XYLB: variants seen among roughly 807,000 people sequenced by gnomAD.
The protein encoded by XYLB is xylulose kinase.
XYLB carries 62 observed loss-of-function variants against 78.7 expected under a neutral mutation model. The observed-to-expected ratio is 0.79, with a 90% CI of 0.64 to 0.97. The LOEUF is 0.97. XYLB is among the 50% of genes least tolerant of loss of function. The pLI is 0.00. For synonymous variants in XYLB, 245 were observed against 247.4 expected, an observed-to-expected ratio of 0.99 and a Z score of 0.09; for missense variants, 687 against 676.8, an observed-to-expected ratio of 1.02 and a Z score of -0.17.
chr3:38,404,909 T>C (rs1423181814), intron 18 of XYLB, among the ~76,000 whole-genome samples: 2 of 152,202 alleles, frequency 1.3e-5, no homozygotes, highest in African/African-American at 4.8e-5. Flanking sequence ...CTCCTACTTG[T>C]GTTTACTTGC....
chr3:38,410,041 T>G (rs1433260274), intron 18 of XYLB, among the ~76,000 whole-genome samples: 1 of 152,102 alleles, frequency 6.6e-6, no homozygotes, highest in Non-Finnish European at 1.5e-5. Context: ...TACTTTAAAG[T>G]TCATATGGAA....
the XYLB span, among the ~76,000 whole-genome samples, chr3:38,437,016 A>ATAG: frequency 0.036 from 5,157 of 143,058 alleles, 336 homozygotes; most frequent in African/African-American, 0.12. Flanking sequence ...AATAATAATA[A>ATAG]TAATAATAAT....
chr3:38,418,282 A>T (rs1405831887), downstream of XYLB, among the ~76,000 whole-genome samples: 3 of 152,044 alleles, frequency 2.0e-5, no homozygotes, highest in Admixed American at 2.0e-4. Context: ...AGCATATTTT[A>T]AAATGCTTAC....
chr3:38,359,610 A>G (rs779195064), intron 2 of XYLB, among the ~76,000 whole-genome samples: 3 of 152,220 alleles, frequency 2.0e-5, no homozygotes, highest in Non-Finnish European at 2.9e-5. Context: ...TATCACAAAT[A>G]TACACCACGA....
downstream of XYLB, among the ~76,000 whole-genome samples, chr3:38,423,328 TC>T (rs2125696724): frequency 6.6e-6 from 1 of 152,270 alleles, no homozygotes; most frequent in African/African-American, 2.4e-5. Context: ...CACCTTGGCC[TC>T]CCAAAGTGCT....
At chr3:38,418,353 T>A (rs1708869795), downstream of XYLB, among the ~76,000 whole-genome samples, 1 of 152,128 alleles carries the variant, frequency 6.6e-6, no homozygotes, top group Non-Finnish European at 1.5e-5. Context: ...GAAATAGGCA[T>A]TCGTATACAT....
chr3:38,355,332 C>T (rs1292465979), intron 2 of XYLB, among the ~76,000 whole-genome samples: 2 of 152,178 alleles, frequency 1.3e-5, no homozygotes, highest in Non-Finnish European at 1.5e-5. Flanking sequence ...TTCTAGCTAC[C>T]GTTAACTGAC....
downstream of XYLB, chr3:38,421,487 AGC>A (rs1297823487): frequency 5.3e-5 from 8 of 152,280 alleles, no homozygotes; most frequent in Non-Finnish European, 1.0e-4. Flanking sequence ...CGTTAGCACT[AGC>A]TGACTTACGC....
At chr3:38,400,477 G>A (rs1468120232) in intron 17 of XYLB, among the ~76,000 whole-genome samples, 1 of 152,088 alleles carries the variant, frequency 6.6e-6, no homozygotes, top group Non-Finnish European at 1.5e-5. Flanking sequence ...CAGTGAAAAG[G>A]CTCTGAGGCA....
downstream of XYLB, among the ~76,000 whole-genome samples, chr3:38,422,325 T>C (rs1709004869): frequency 6.6e-6 from 1 of 152,182 alleles, no homozygotes; most frequent in African/African-American, 2.4e-5. Flanking sequence ...CAACTCCTGA[T>C]TGTGCCATAT....
At chr3:38,444,802 C>T in the XYLB span, among the ~76,000 whole-genome samples, 1 of 152,100 alleles carries the variant, frequency 6.6e-6, no homozygotes, top group African/African-American at 2.4e-5. Context: ...GCCCATGCCC[C>T]CCCACCCCTG....
intron 4 of XYLB, among the ~76,000 whole-genome samples, chr3:38,363,683 G>A (rs1487445842): frequency 6.6e-6 from 1 of 152,188 alleles, no homozygotes; most frequent in Non-Finnish European, 1.5e-5. Flanking sequence ...TAAGTACATA[G>A]CACAGTGCCT....
the XYLB span, among the ~76,000 whole-genome samples, chr3:38,445,457 C>T: frequency 2.0e-5 from 3 of 152,166 alleles, no homozygotes; most frequent in East Asian, 1.9e-4. Flanking sequence ...TTTCTAAAAG[C>T]GGGACTAGTC....
At chr3:38,448,573 C>T in the XYLB span, among the ~76,000 whole-genome samples, 4 of 152,124 alleles carry the variant, frequency 2.6e-5, no homozygotes, top group African/African-American at 9.7e-5. Context: ...CCTGCTTCTT[C>T]CTATGCTTAG....
Position 38,374,390 on chromosome 3 carries a change from G to A in XYLB, c.848-72G>A, listed in dbSNP as rs147717643. On this transcript the variant is annotated intron_variant, in intron 10 of 18. Transcript: ENST00000207870. ...GAGGTGGGGGCTCTGCGCCTGCCTG[G>A]AGAGCCCTGTGGTTTGCTTTGTGGT... The A allele has an allele frequency of 6.3e-5, 101 of 1,608,642 alleles. No individual in the cohort carries two copies. The African/African-American group carries it at 1.3e-3, about 20-fold the overall frequency.
chr3:38,353,885 T>TA (rs71085315), intron 2 of XYLB, among the ~76,000 whole-genome samples: 5,518 of 121,962 alleles, frequency 0.045, 416 homozygotes, highest in East Asian at 0.23. Context: ...AGACTCCATA[T>TA]AAAAAAAAAA....
exon 18 of XYLB, among the ~76,000 whole-genome samples, chr3:38,420,431 C>T (rs1046517683): frequency 8.5e-5 from 13 of 152,146 alleles, no homozygotes; most frequent in Admixed American, 7.2e-4. Flanking sequence ...CGCCCTCCAT[C>T]GGGCTAAGAA....
intron 18 of XYLB, among the ~76,000 whole-genome samples, chr3:38,410,196 A>G (rs1055551240): frequency 2.6e-5 from 4 of 152,248 alleles, no homozygotes; most frequent in African/African-American, 4.8e-5. Flanking sequence ...ATATAGATCA[A>G]TGGAACAGAA....
At chr3:38,397,986 T>G (rs1707951205) in intron 17 of XYLB, among the ~76,000 whole-genome samples, 1 of 150,950 alleles carries the variant, frequency 6.6e-6, no homozygotes, top group Admixed American at 6.6e-5. Context: ...GCCCAGCTAA[T>G]TTTTTGTATT....
Sources: gnomAD v4.1 joint callset for allele counts (sites outside exome capture counted in the v4.1 genomes callset) on GRCh38, gnomAD v4.1.1 for gene constraint, MANE v1.5 for transcripts, NCBI Gene and HGNC (gene_info 2026-07-23, HGNC 2026-07-21) for gene names.